The following HECTD4 variants were observed in gnomAD, a reference collection of about 807,000 sequenced individuals.
The protein encoded by HECTD4 is probable E3 ubiquitin-protein ligase HECTD4.
In HECTD4, 114 loss-of-function variants were observed where a neutral mutation model predicts 471.5. The ratio of observed to expected loss-of-function variants is 0.24; its 90% confidence interval spans 0.21 to 0.28. The LOEUF (loss-of-function observed/expected upper bound fraction) is 0.28, where lower values mean the gene tolerates loss of function less well. Ranked by LOEUF, HECTD4 falls within the 10% of genes least tolerant of loss-of-function variation. The pLI is 1.00. For missense variants in HECTD4, 3,866 were observed against 5,651.5 expected, an observed-to-expected ratio of 0.68 and a Z score of 10.13; for synonymous variants, 2,012 against 2,256.0, an observed-to-expected ratio of 0.89 and a Z score of 3.07.
chr12:112,294,588 C>T (rs995061748), intron 7 of HECTD4, among the ~76,000 whole-genome samples: 2 of 152,138 alleles, frequency 1.3e-5, no homozygotes, highest in East Asian at 3.8e-4. Context: ...CACATCAAAC[C>T]CCTGGAGAGA....
chr12:112,333,736 G>GT, intron 1 of HECTD4, among the ~76,000 whole-genome samples: 1 of 152,172 alleles, frequency 6.6e-6, no homozygotes, highest in East Asian at 1.9e-4. Context: ...AACATCAAAT[G>GT]TTTAAGTCCA....
Position 112,188,284 on chromosome 12 carries a change from A to G in HECTD4, c.9472+2502T>C, listed in dbSNP as rs2031954789. 6.6e-6 allele frequency among the ~76,000 whole-genome samples: 1 copy of G among 152,188 alleles called. No individual in the cohort carries two copies. The highest frequency in any genetic ancestry group is 6.5e-5 in the Admixed American group (1 of 15,278). On this transcript the variant is annotated intron_variant, in intron 60 of 75. Transcript: ENST00000682272. The surrounding 1 kb of genome is among the most constrained non-coding windows in gnomAD (Gnocchi z 4.2). ...AGCCTGGGTGACAGAGTGAGACTAC[A>G]TTTCAAAAAAATAAAATAAGTAAGT...
At chr12:112,214,781 T>C (rs565042879) in intron 48 of HECTD4, among the ~76,000 whole-genome samples, 8 of 152,284 alleles carry the variant, frequency 5.3e-5, no homozygotes, top group African/African-American at 1.9e-4. Flanking sequence ...AGTTATGCTT[T>C]GTGAAGTAAG....
At chr12:112,294,057 A>C (rs1053823252) in intron 7 of HECTD4, among the ~76,000 whole-genome samples, 1 of 151,868 alleles carries the variant, frequency 6.6e-6, no homozygotes, top group Non-Finnish European at 1.5e-5. Flanking sequence ...GCACCACCAC[A>C]CCTGGCTAAT....
chr12:112,363,992 CAAA>C (rs1175386198), intron 1 of HECTD4, among the ~76,000 whole-genome samples: 2 of 52,882 alleles, frequency 3.8e-5, no homozygotes, highest in Admixed American at 5.0e-4. Context: ...ACTCAATCTC[CAAA>C]AAAAAAAAAA....
Position 112,228,274 on chromosome 12 carries a change from G to T in HECTD4, c.6685-16C>A, listed in dbSNP as rs369080922. 2 of 1,550,430 alleles carry T rather than the reference G, an allele frequency of 1.3e-6. No homozygotes were observed. Among genetic ancestry groups the T allele is most frequent in the Non-Finnish European group, 1.7e-6 (2 of 1,151,780 alleles). The stretch of plus-strand genomic sequence containing the variant: ...GAGGCAATGCCTGATGGCGGTGGGG[G>T]GGCATGGCAAAAAGTTAAATTCAAG... On this transcript the variant is annotated splice_polypyrimidine_tract_variant and intron_variant, in intron 42 of 75. Coordinates refer to ENST00000682272, the MANE Select transcript of HECTD4 (RefSeq NM_001388303.1). This position sits in a 1 kb window ranked among gnomAD's most constrained non-coding sequence, Gnocchi z 4.9.
chr12:112,302,740 T>G, intron 7 of HECTD4: 2 of 386,840 alleles, frequency 5.2e-6, no homozygotes, highest in Non-Finnish European at 9.2e-6. Flanking sequence ...TTAGAAGCTT[T>G]CCTCACTTTT....
chr12:112,365,450 T>A (rs912739960), intron 1 of HECTD4, among the ~76,000 whole-genome samples: 1 of 151,920 alleles, frequency 6.6e-6, no homozygotes, highest in Non-Finnish European at 1.5e-5. Context: ...TCTTTTAAAA[T>A]TTTTTTTGCA....
intron 60 of HECTD4, among the ~76,000 whole-genome samples, chr12:112,187,750 C>T (rs191584948): frequency 6.6e-6 from 1 of 151,482 alleles, no homozygotes; most frequent in Admixed American, 6.6e-5. Context: ...CCTCAGCCTC[C>T]CAAGTAGCTG....
In HECTD4 at chr12:112,203,720, A is replaced by C; in HGVS notation, c.8322T>G (p.Ala2774=). ...SPDSNNVASS[A]VGTALPKFAI... is the part of the protein sequence containing the mutation. ...CAAATTTTGGCAGAGCAGTTCCAACAGCACTGCTGGCTACATTATTGCTGT... is the reference window on the plus strand; with the variant it reads ...CAAATTTTGGCAGAGCAGTTCCAACCGCACTGCTGGCTACATTATTGCTGT... Residue 2774 remains alanine (A), a synonymous_variant, in exon 54 of 76, where the codon GCT becomes GCG. Transcript: ENST00000682272. 1 of 1,611,928 alleles carries C rather than the reference A, an allele frequency of 6.2e-7. No homozygotes were observed. The highest frequency in any genetic ancestry group is 8.5e-7 in the Non-Finnish European group (1 of 1,178,370).
At chr12:112,199,097 C>T in intron 55 of HECTD4, among the ~76,000 whole-genome samples, 1 of 152,282 alleles carries the variant, frequency 6.6e-6, no homozygotes, top group East Asian at 1.9e-4. Context: ...AGGAGCCCTG[C>T]TGTGGGACAT....
chr12:112,244,840 T>C (rs1435618572), intron 29 of HECTD4, among the ~76,000 whole-genome samples: 1 of 152,244 alleles, frequency 6.6e-6, no homozygotes, highest in African/African-American at 2.4e-5. Context: ...TGAACTGGTC[T>C]TTCTATAAGA....
chr12:112,254,232 TG>T, intron 21 of HECTD4, 70 bp from the exon 22 acceptor site: 1 of 1,560,240 alleles, frequency 6.4e-7, no homozygotes, highest in Non-Finnish European at 8.7e-7. Flanking sequence ...ATAAAAAGGC[TG>T]CAAAAACATT....
At chr12:112,287,451 T>C (rs1049024755) in intron 7 of HECTD4, among the ~76,000 whole-genome samples, 5 of 152,178 alleles carry the variant, frequency 3.3e-5, no homozygotes, top group Admixed American at 2.6e-4. Flanking sequence ...ACTCTTAGTG[T>C]GTCCATTACT....
intron 52 of HECTD4, among the ~76,000 whole-genome samples, chr12:112,207,224 G>A (rs1180851974): frequency 5.3e-5 from 8 of 152,148 alleles, no homozygotes; most frequent in East Asian, 1.9e-4. Flanking sequence ...GCTCACTGCC[G>A]CTTCTGCCTC....
At chr12:112,355,265 G>T (rs113431482) in intron 1 of HECTD4, among the ~76,000 whole-genome samples, 8,021 of 143,544 alleles carry the variant, frequency 0.056, 285 homozygotes, top group Middle Eastern at 0.15. Context: ...GTGAGCCACC[G>T]CGCCGGGCGC....
chr12:112,228,266 C>T lies in HECTD4; in HGVS notation c.6685-8G>A, dbSNP rs762423960. The T allele has an allele frequency of 1.3e-5, 20 of 1,560,278 alleles. No individual in the cohort carries two copies. The highest frequency in any genetic ancestry group is 6.1e-5 in the South Asian group (5 of 82,526). On this transcript the variant is annotated splice_region_variant and splice_polypyrimidine_tract_variant and intron_variant, in intron 42 of 75. Coordinates refer to ENST00000682272, the MANE Select transcript of HECTD4 (RefSeq NM_001388303.1). This position sits in a 1 kb window ranked among gnomAD's most constrained non-coding sequence, Gnocchi z 4.9. ...TTTATGAAGAGGCAATGCCTGATGG[C>T]GGTGGGGGGGCATGGCAAAAAGTTA...
rs368404348 is a variant in HECTD4, at chr12:112,185,241, G to A, written c.9725C>T (p.Ala3242Val). ...SGGACGGSGGAAAGDQGRFST... is the reference protein window; with the variant it reads ...SGGACGGSGGVAAGDQGRFST... ...GAACCTGCCCTGGTCACCGGCCGCCGCCCCCCCGGAGCCCCCGCAGGCGCC... is the reference window on the plus strand; with the variant it reads ...GAACCTGCCCTGGTCACCGGCCGCCACCCCCCCGGAGCCCCCGCAGGCGCC... Residue 3242 changes from alanine (A) to valine (V), a missense_variant, in exon 61 of 76, where the codon GCG (alanine) becomes GTG (valine). Ala to Val is a moderately conservative substitution (Grantham distance 64). Around this residue, in one of 16 missense-constraint regions of HECTD4, gnomAD observed 364 missense variants for 413.2 expected, o/e 0.88. Transcript: ENST00000682272. 8.4e-5 allele frequency: 130 copies of A among 1,549,996 alleles called. No homozygotes were observed. In the East Asian group the frequency reaches 2.0e-3, roughly 24 times the overall value.
rs2031787865 is a variant in HECTD4 at position 112,184,493 on chromosome 12, C to T, written c.10473G>A (p.Gln3491=). The T allele has an allele frequency of 1.2e-6, 2 of 1,608,914 alleles. No individual in the cohort carries two copies. The highest frequency in any genetic ancestry group is 1.1e-5 in the South Asian group (1 of 90,904). ...MSISASASTS[Q]ASICSSQGIS... ...TGCCCTGCGAGCTGCAGATGGAGGC[C>T]TGGCTGGTGGAGGCGGAGGCGCTGA... Residue 3491 remains glutamine (Q), a synonymous_variant, in exon 61 of 76, where the codon CAG becomes CAA. Coordinates refer to ENST00000682272, the MANE Select transcript of HECTD4 (RefSeq NM_001388303.1). The surrounding 1 kb of genome is among the most constrained non-coding windows in gnomAD (Gnocchi z 9.1).
Sources: allele counts gnomAD v4.1 joint callset (sites outside exome capture counted in the v4.1 genomes callset), GRCh38; gene constraint gnomAD v4.1.1; regional missense constraint gnomAD v4.1.1; non-coding constraint Gnocchi (gnomAD v3.1); transcripts MANE v1.5; gene names NCBI Gene and HGNC (gene_info 2026-07-23, HGNC 2026-07-21).